The following PRKAR2B variants were observed in gnomAD, a reference collection of about 807,000 sequenced individuals.
PRKAR2B encodes the protein cAMP-dependent protein kinase type II-beta regulatory subunit.
PRKAR2B carries 14 observed loss-of-function variants against 49.9 expected under a neutral mutation model. That is an observed-to-expected ratio of 0.28 (90% CI 0.19 to 0.44). The LOEUF (loss-of-function observed/expected upper bound fraction) is 0.44. Among genes scored for constraint, PRKAR2B ranks in the 20% least tolerant of loss-of-function variants. The pLI is 1.00. For synonymous variants in PRKAR2B, 196 were observed against 197.7 expected (o/e 0.99, Z 0.07); for missense variants, 393 against 537.9 (o/e 0.73, Z 2.67).
chr7:107,099,467 G>T (rs994848046), intron 2 of PRKAR2B, among the ~76,000 whole-genome samples: 3 of 152,104 alleles, frequency 2.0e-5, no homozygotes, highest in Admixed American at 1.3e-4. Flanking sequence ...GTGCTTCCCA[G>T]TTGAGGCGAT....
intron 2 of PRKAR2B, among the ~76,000 whole-genome samples, chr7:107,101,546 C>T (rs975956137): frequency 2.6e-5 from 4 of 152,204 alleles, no homozygotes; most frequent in Non-Finnish European, 5.9e-5. Flanking sequence ...CAAGTGCCTC[C>T]GTGTCTGCCT....
intron 2 of PRKAR2B, among the ~76,000 whole-genome samples, chr7:107,113,226 A>G (rs1795206978): frequency 1.3e-5 from 2 of 152,216 alleles, no homozygotes; most frequent in African/African-American, 2.4e-5. Flanking sequence ...AAATGTAGCT[A>G]TATCATTCAT....
rs1412238183 is a variant in PRKAR2B at position 107,160,967 on chromosome 7, A to G, written c.*1385A>G. On this transcript the variant is annotated 3_prime_UTR_variant, in exon 11 of 11. Transcript: ENST00000265717. ...ATTCTAACCAGTTGTTTGCTTTTAA[A>G]TGAGTGATTTCATTTTGGGAAACAG... 1 of 152,202 alleles carries G rather than the reference A, an allele frequency of 6.6e-6. No individual in the cohort carries two copies. The highest frequency in any genetic ancestry group is 2.4e-5 in the African/African-American group (1 of 41,452). 9.4% of individuals were successfully genotyped at this position (152,202 alleles called of 1,614,324 possible).
At chr7:107,114,372 GTGTGTT>G (rs1795231664) in intron 2 of PRKAR2B, among the ~76,000 whole-genome samples, 1 of 123,764 alleles carries the variant, frequency 8.1e-6, no homozygotes, top group Non-Finnish European at 1.7e-5. Flanking sequence ...GTGTGTGTGT[GTGTGTT>G]TGAGACTAAG....
At chr7:107,064,076 T>G (rs755459737) in intron 1 of PRKAR2B, among the ~76,000 whole-genome samples, 2 of 152,194 alleles carry the variant, frequency 1.3e-5, no homozygotes, top group Non-Finnish European at 2.9e-5. Context: ...ACATTTAAAA[T>G]CCTGAAAGTA....
chr7:107,096,032 A>T (rs1458328182), intron 2 of PRKAR2B, among the ~76,000 whole-genome samples: 5 of 152,160 alleles, frequency 3.3e-5, no homozygotes, highest in Non-Finnish European at 7.4e-5. Context: ...TGAGTTAGGG[A>T]GGATTCCCTC....
intron 2 of PRKAR2B, among the ~76,000 whole-genome samples, chr7:107,104,100 CG>C (rs1012405071): frequency 6.6e-6 from 1 of 152,054 alleles, no homozygotes; most frequent in African/African-American, 2.4e-5. Context: ...GGCACGATCT[CG>C]GCTTACTGCA....
chr7:107,058,721 C>G (rs191291105), intron 1 of PRKAR2B, among the ~76,000 whole-genome samples: 1 of 151,952 alleles, frequency 6.6e-6, no homozygotes, highest in African/African-American at 2.4e-5. Flanking sequence ...AACAAAAACC[C>G]GTTTGTAAAA....
chr7:107,099,185 G>T (rs1463734561), intron 2 of PRKAR2B, among the ~76,000 whole-genome samples: 1 of 152,198 alleles, frequency 6.6e-6, no homozygotes, highest in East Asian at 1.9e-4. Context: ...CTTCCAGGCT[G>T]CTTTGTTTAC....
At chr7:107,111,484 C>T (rs1183284355) in intron 2 of PRKAR2B, among the ~76,000 whole-genome samples, 2 of 152,130 alleles carry the variant, frequency 1.3e-5, no homozygotes, top group Admixed American at 1.3e-4. Flanking sequence ...TGACCAAGTG[C>T]AGTCCCAGTG....
intron 2 of PRKAR2B, among the ~76,000 whole-genome samples, chr7:107,109,303 A>G (rs1038462932): frequency 6.6e-6 from 1 of 152,064 alleles, no homozygotes; most frequent in African/African-American, 2.4e-5. Flanking sequence ...TTTGTTGCCC[A>G]GGCTGGTGTG....
At chr7:107,090,611 C>G (rs1346420910) in intron 2 of PRKAR2B, among the ~76,000 whole-genome samples, 1 of 152,206 alleles carries the variant, frequency 6.6e-6, no homozygotes, top group African/African-American at 2.4e-5. Context: ...AAGGCAGTGT[C>G]TCTGTTGGCT....
intron 1 of PRKAR2B, among the ~76,000 whole-genome samples, chr7:107,061,078 C>A (rs1001019755): frequency 2.0e-5 from 3 of 151,924 alleles, no homozygotes; most frequent in African/African-American, 7.3e-5. Context: ...GTACTTCAAG[C>A]TTCTGTTCTG....
chr7:107,098,726 C>T (rs1794900117), intron 2 of PRKAR2B, among the ~76,000 whole-genome samples: 1 of 152,124 alleles, frequency 6.6e-6, no homozygotes, highest in Admixed American at 6.5e-5. Context: ...TGTTAGTTTT[C>T]CTTCTAACAG....
intron 2 of PRKAR2B, among the ~76,000 whole-genome samples, chr7:107,103,843 T>G (rs2116816503): frequency 6.6e-6 from 1 of 152,266 alleles, no homozygotes; most frequent in African/African-American, 2.4e-5. Flanking sequence ...CTATTCCTTG[T>G]TTTTCAGCCA....
intron 2 of PRKAR2B, among the ~76,000 whole-genome samples, chr7:107,075,205 C>T (rs1031133544): frequency 6.6e-6 from 1 of 150,478 alleles, no homozygotes; most frequent in Non-Finnish European, 1.5e-5. Context: ...TGGGTTCAAG[C>T]GATTCTTCTG....
chr7:107,159,538 G>T lies in PRKAR2B; in HGVS notation c.1213G>T (p.Ala405Ser). The T allele has an allele frequency of 6.2e-7, 1 of 1,614,054 alleles. No homozygotes were observed. The highest frequency in any genetic ancestry group is 1.1e-5 in the South Asian group (1 of 91,078). The stretch of plus-strand genomic sequence containing the variant: ...CGCTACCTATGAAGAACAGTTAGTT[G>T]CCCTGTTTGGAACGAACATGGATAT... Reference protein sequence around the residue: ...NIATYEEQLVALFGTNMDIVE... With the variant: ...NIATYEEQLVSLFGTNMDIVE... Residue 405 changes from alanine to serine, a missense_variant, in exon 11 of 11, where the codon GCC becomes TCC. This residue lies in a region of PRKAR2B where 233 missense variants were observed against 390.4 expected (regional missense o/e 0.60). Transcript: ENST00000265717.
rs189491477 is a variant in PRKAR2B, at chr7:107,126,334, T to C, written c.397-1878T>C. Among the ~76,000 whole-genome samples, 46 of 137,882 alleles carry C rather than the reference T, an allele frequency of 3.3e-4. No individual in the cohort carries two copies. The East Asian group carries it at 9.3e-3, about 28-fold the overall frequency. The allele number at this position is 137,882 out of a possible 152,430, so 90.5% of individuals were successfully genotyped here. The stretch of plus-strand genomic sequence containing the variant: ...TACTCAGGAGGCTGAGGCAGGAGAA[T>C]GGCGTGAACCCGGGAGGCGGAGATT... On this transcript the variant is annotated intron_variant, in intron 3 of 10. Coordinates refer to ENST00000265717, the MANE Select transcript of PRKAR2B (RefSeq NM_002736.3).
intron 2 of PRKAR2B, among the ~76,000 whole-genome samples, chr7:107,087,893 C>T (rs1456809616): frequency 6.7e-6 from 1 of 149,964 alleles, no homozygotes; most frequent in Non-Finnish European, 1.5e-5. Flanking sequence ...AAAGTTTATA[C>T]ATTTTAATTT....
Sources: gnomAD v4.1 joint callset for allele counts (sites outside exome capture counted in the v4.1 genomes callset) on GRCh38, gnomAD v4.1.1 for gene constraint, gnomAD v4.1.1 regional missense constraint, MANE v1.5 for transcripts, NCBI Gene and HGNC (gene_info 2026-07-23, HGNC 2026-07-21) for gene names.